DST: variants seen among roughly 807,000 people sequenced by gnomAD.
The protein encoded by DST is dystonin.
Under a neutral mutation model 875.2 loss-of-function variants are expected in DST, and 253 were observed. The ratio of observed to expected loss-of-function variants is 0.29; its 90% CI spans 0.26 to 0.32. DST has a LOEUF of 0.32. Ranked by LOEUF, DST falls within the 10% of genes least tolerant of loss-of-function variation. The pLI is 1.00. For missense variants in DST, 8,287 were observed against 9,111.6 expected, an observed-to-expected ratio of 0.91 and a Z score of 3.68; for synonymous variants, 3,124 against 3,197.1, an observed-to-expected ratio of 0.98 and a Z score of 0.77.
intron 4 of DST, among the ~76,000 whole-genome samples, chr6:56,764,097 G>GCACGCA (rs1554722158): frequency 6.1e-4 from 86 of 142,020 alleles, no homozygotes; most frequent in African/African-American, 2.2e-3. Flanking sequence ...AAGTGCACAT[G>GCACGCA]CACACACACA....
At chr6:56,482,272 A>AT in intron 89 of DST, 94 bp from the exon 90 acceptor site, 1 of 1,363,718 alleles carries the variant, frequency 7.3e-7, no homozygotes. Flanking sequence ...CATCCCTTCA[A>AT]TGAAAAAAAA....
chr6:56,629,659 A>G (rs991933275), intron 31 of DST, among the ~76,000 whole-genome samples: 4 of 152,200 alleles, frequency 2.6e-5, no homozygotes, highest in Non-Finnish European at 5.9e-5. Flanking sequence ...TATAACGTTC[A>G]GCCTAATAAA....
Position 56,838,033 on chromosome 6 carries a change from C to A in DST, c.625+13364G>T, listed in dbSNP as rs145648835. 9.8e-3 allele frequency among the ~76,000 whole-genome samples: 1,483 copies of A among 151,944 alleles called. 23 individuals are homozygous for A. Among genetic ancestry groups the A allele is most frequent in the African/African-American group, 0.033 (1,367 of 41,430 alleles). On this transcript the variant is annotated intron_variant, in intron 4 of 103. Transcript: ENST00000680361. ...TCCTTGGACATAGGTAGAATGTAAT[C>A]CCTGAAATATTAAGAGCTAAGAAAT... is the stretch of plus-strand genomic sequence containing the variant.
chr6:56,822,512 G>A (rs2099774199), intron 4 of DST, among the ~76,000 whole-genome samples: 1 of 152,180 alleles, frequency 6.6e-6, no homozygotes, highest in African/African-American at 2.4e-5. Context: ...TCTTACCTGA[G>A]TACCATGTAT....
At chr6:56,645,152 G>C (rs760167114) in intron 15 of DST, among the ~76,000 whole-genome samples, 1 of 152,154 alleles carries the variant, frequency 6.6e-6, no homozygotes, top group Non-Finnish European at 1.5e-5. Flanking sequence ...TATTAGCAGC[G>C]TGAGAATGGA....
At chr6:56,909,707 C>T (rs1449498467) in intron 2 of DST, among the ~76,000 whole-genome samples, 1 of 152,184 alleles carries the variant, frequency 6.6e-6, no homozygotes, top group Non-Finnish European at 1.5e-5. Context: ...TTCATTAAGT[C>T]TGGGATAGGG....
chr6:56,483,991 A>C (rs2095485951), intron 88 of DST: 1 of 152,190 alleles, frequency 6.6e-6, no homozygotes, highest in Non-Finnish European at 1.5e-5. Flanking sequence ...GACTAGTCCA[A>C]TAGTTTTCAG....
At chr6:56,918,119 ATTCTTTTTTTT>A (rs549882372) in intron 2 of DST, among the ~76,000 whole-genome samples, 4 of 145,890 alleles carry the variant, frequency 2.7e-5, no homozygotes, top group African/African-American at 5.1e-5. Context: ...TCAGGTGTAC[ATTCTTTTTTTT>A]TTCTTTTTTT....
At position 56,547,982 on chromosome 6, in the gene DST, T is replaced by A. The variant is rs148986094; in HGVS notation, c.16608+4202A>T. On this transcript the variant is annotated intron_variant, in intron 61 of 103. Coordinates refer to ENST00000680361, the MANE Select transcript of DST (RefSeq NM_001374736.1). ...AGAGAATGTACTGGAGATGTACTCA[T>A]TTGTGGGGACAAAATGAATTACAAT... 2.7e-3 allele frequency among the ~76,000 whole-genome samples: 413 copies of A among 152,342 alleles called. 2 individuals are homozygous for A. Among genetic ancestry groups the A allele is most frequent in the African/African-American group, 8.8e-3 (366 of 41,582 alleles).
chr6:56,468,233 A>G (rs1420142942), intron 98 of DST, among the ~76,000 whole-genome samples: 2 of 152,184 alleles, frequency 1.3e-5, no homozygotes, highest in Non-Finnish European at 2.9e-5. Context: ...TAGTTTCAAA[A>G]TTCTGATCAT....
At chr6:56,563,399 C>T (rs2097574452) in intron 55 of DST, among the ~76,000 whole-genome samples, 1 of 147,412 alleles carries the variant, frequency 6.8e-6, no homozygotes, top group South Asian at 2.1e-4. Context: ...TGAGAAGTGT[C>T]TGTTCATATC....
chr6:56,849,960 A>T (rs1484500600), intron 4 of DST, among the ~76,000 whole-genome samples: 3 of 152,144 alleles, frequency 2.0e-5, no homozygotes, highest in Non-Finnish European at 4.4e-5. Flanking sequence ...TGAGTCAAAC[A>T]TCTGGTATGG....
rs181566853 is a variant in DST, at chr6:56,910,228, G to A, written c.217-9607C>T. 5.9e-5 allele frequency among the ~76,000 whole-genome samples: 9 copies of A among 152,266 alleles called. No individual in the cohort carries two copies. In the East Asian group the frequency reaches 1.7e-3, roughly 29 times the overall value. On this transcript the variant is annotated intron_variant, in intron 2 of 103. Coordinates refer to ENST00000680361, the MANE Select transcript of DST (RefSeq NM_001374736.1). ...GTTGCCCAGGCTAGAGAACAGTGGTGTGATCATAGCTCACTGTAGCCTAGA... is the reference window on the plus strand; with the variant it reads ...GTTGCCCAGGCTAGAGAACAGTGGTATGATCATAGCTCACTGTAGCCTAGA...
Position 56,732,420 on chromosome 6 carries a change from CT to C in DST, c.687+2807del, listed in dbSNP as rs529582940. Among the ~76,000 whole-genome samples, 15 of 152,086 alleles carry C rather than the reference CT, an allele frequency of 9.9e-5. No homozygotes were observed. In the South Asian group the frequency reaches 2.9e-3, roughly 29 times the overall value. On this transcript the variant is annotated intron_variant, in intron 5 of 103. Transcript: ENST00000680361. ...TCAGGAAAACTTTTTCTAATAATTG[CT>C]TTTGTGTTTCTAACTGATTTTCCAG...
chr6:56,921,718 C>T (rs1163862904), intron 2 of DST, among the ~76,000 whole-genome samples: 1 of 152,008 alleles, frequency 6.6e-6, no homozygotes, highest in Non-Finnish European at 1.5e-5. Context: ...AATACATATA[C>T]ATATTGAGTG....
At chr6:56,692,852 T>C (rs1362558072) in intron 9 of DST, 2 of 1,289,830 alleles carry the variant, frequency 1.6e-6, no homozygotes, top group Non-Finnish European at 2.0e-6. Flanking sequence ...ACAACTTCTG[T>C]CTTCTTTTGC....
chr6:56,771,028 A>G lies in DST; in HGVS notation c.626-35739T>C, dbSNP rs536715564. ...AAAAAAAAAAAAGAAAAATCCAGCAAGGAGCCTAAATTATCAAGGAGTAAG... is the reference window on the plus strand; with the variant it reads ...AAAAAAAAAAAAGAAAAATCCAGCAGGGAGCCTAAATTATCAAGGAGTAAG... On this transcript the variant is annotated intron_variant, in intron 4 of 103. Transcript: ENST00000680361. Among the ~76,000 whole-genome samples the G allele has an allele frequency of 6.6e-5, 10 of 152,086 alleles. No individual in the cohort carries two copies. In the South Asian group the frequency reaches 2.1e-3, roughly 32 times the overall value.
intron 93 of DST, 124 bp downstream of exon 93, chr6:56,473,749 G>T: frequency 1.1e-6 from 1 of 883,250 alleles, no homozygotes; most frequent in Non-Finnish European, 1.7e-6. Context: ...CTTCTAGAAA[G>T]TATTTCATGA....
chr6:56,526,834 T>C (rs2096809021), intron 68 of DST, among the ~76,000 whole-genome samples: 1 of 152,196 alleles, frequency 6.6e-6, no homozygotes, highest in South Asian at 2.1e-4. Flanking sequence ...ATATTTAAAA[T>C]TTCAGAAGCA....
Sources: allele counts gnomAD v4.1 joint callset (sites outside exome capture counted in the v4.1 genomes callset), GRCh38; gene constraint gnomAD v4.1.1; transcripts MANE v1.5; gene names NCBI Gene and HGNC (gene_info 2026-07-23, HGNC 2026-07-21).